DIP2B: variants seen among roughly 807,000 people sequenced by gnomAD.
DIP2B encodes the protein DIP2 acetate--CoA ligase B (putative).
Under a neutral mutation model 198.0 loss-of-function variants are expected in DIP2B, and 76 were observed. That is an observed-to-expected ratio of 0.38 (90% confidence interval 0.32 to 0.46). The LOEUF (loss-of-function observed/expected upper bound fraction) is 0.46, where lower values mean the gene tolerates loss of function less well. Among genes scored for constraint, DIP2B ranks in the 20% least tolerant of loss-of-function variants. DIP2B has a pLI of 0.99. For synonymous variants in DIP2B, 701 were observed against 739.1 expected (o/e 0.95, Z 0.84); for missense variants, 1,559 against 1,978.4 (o/e 0.79, Z 4.02).
chr12:50,506,608 C>T, intron 1 of DIP2B, among the ~76,000 whole-genome samples: 1 of 142,396 alleles, frequency 7.0e-6, no homozygotes, highest in East Asian at 2.1e-4. Context: ...TTCGGCCAGT[C>T]CCGGGAATCA....
At chr12:50,562,554 C>T (rs1230669411) in intron 1 of DIP2B, among the ~76,000 whole-genome samples, 5 of 151,774 alleles carry the variant, frequency 3.3e-5, no homozygotes, top group African/African-American at 4.8e-5. Context: ...GGGCAACATG[C>T]AAAACCCCTC....
Position 50,683,193 on chromosome 12 carries a change from G to A in DIP2B, c.1262G>A (p.Gly421Glu). Residue 421 changes from glycine (G) to glutamate (E), a missense_variant, in exon 10 of 38, where the codon GGA (glycine) becomes GAA (glutamate). By Grantham distance (98) the Gly-to-Glu change is moderately conservative. Transcript: ENST00000301180. ...GTCATGTTTATGGTGGCTTTCTATG[G>A]ATGCCTCCTGGCAGAAGTGATTCCA... is the stretch of plus-strand genomic sequence containing the variant. ...DPVMFMVAFY[G>E]CLLAEVIPVP... 1 of 1,612,962 alleles carries A rather than the reference G, an allele frequency of 6.2e-7. No individual in the cohort carries two copies. Among genetic ancestry groups the A allele is most frequent in the Non-Finnish European group, 8.5e-7 (1 of 1,179,700 alleles).
chr12:50,582,387 C>T (rs181385688), intron 1 of DIP2B, among the ~76,000 whole-genome samples: 61 of 151,986 alleles, frequency 4.0e-4, no homozygotes, highest in African/African-American at 1.3e-3. Flanking sequence ...TGACTTCAGG[C>T]GATTTGCCCG....
rs1347163353 is a variant in DIP2B, at chr12:50,683,165, C to G, written c.1234C>G (p.Pro412Ala). 1.2e-6 allele frequency: 2 copies of G among 1,611,574 alleles called. No individual in the cohort carries two copies. The highest frequency in any genetic ancestry group is 1.7e-5 in the Admixed American group (1 of 59,500). Residue 412 changes from proline to alanine, a missense_variant, in exon 10 of 38, where the codon CCA (proline) becomes GCA (alanine). By Grantham distance (27) the Pro-to-Ala change is conservative. Transcript: ENST00000301180. ...RVALVYPNND[P>A]VMFMVAFYGC... ...AGCCCTGGTTTACCCCAACAATGAT[C>G]CAGTCATGTTTATGGTGGCTTTCTA...
At chr12:50,595,439 G>T (rs944826348) in intron 1 of DIP2B, among the ~76,000 whole-genome samples, 45 of 152,278 alleles carry the variant, frequency 3.0e-4, no homozygotes, top group African/African-American at 1.0e-3. Flanking sequence ...CTGGGTAGCT[G>T]GGACTACAGG....
intron 3 of DIP2B, among the ~76,000 whole-genome samples, chr12:50,648,494 G>C (rs1938390320): frequency 6.6e-6 from 1 of 152,096 alleles, no homozygotes; most frequent in Non-Finnish European, 1.5e-5. Context: ...CTCCCGAGTA[G>C]CTGGGACTAC....
At chr12:50,647,282 G>A (rs931610334) in intron 3 of DIP2B, among the ~76,000 whole-genome samples, 7 of 151,916 alleles carry the variant, frequency 4.6e-5, no homozygotes, top group African/African-American at 7.3e-5. Context: ...TCTCCCCCCC[G>A]CCCAAAACAA....
chr12:50,557,316 A>T (rs935325429), intron 1 of DIP2B, among the ~76,000 whole-genome samples: 23 of 152,164 alleles, frequency 1.5e-4, no homozygotes, highest in Non-Finnish European at 2.6e-4. Context: ...CCTTCCATAG[A>T]TGGTCCAGGC....
intron 2 of DIP2B, among the ~76,000 whole-genome samples, chr12:50,634,412 TTTAA>T (rs1406892132): frequency 6.6e-6 from 1 of 152,210 alleles, no homozygotes; most frequent in Non-Finnish European, 1.5e-5. Flanking sequence ...TCCAGCTAGC[TTTAA>T]TAGAAAAAGA....
intron 1 of DIP2B, among the ~76,000 whole-genome samples, chr12:50,516,163 C>T (rs979406270): frequency 6.6e-6 from 1 of 151,934 alleles, no homozygotes; most frequent in East Asian, 1.9e-4. Flanking sequence ...GGCACTAAGC[C>T]TGTTCATGAG....
At chr12:50,633,558 C>G (rs1938102779) in intron 2 of DIP2B, among the ~76,000 whole-genome samples, 1 of 152,062 alleles carries the variant, frequency 6.6e-6, no homozygotes, top group Non-Finnish European at 1.5e-5. Context: ...GCAGGATGAT[C>G]ACTTGAGACC....
chr12:50,744,230 G>C (rs903971234), intron 37 of DIP2B, among the ~76,000 whole-genome samples: 1 of 152,136 alleles, frequency 6.6e-6, no homozygotes, highest in African/African-American at 2.4e-5. Context: ...TCGAACTCCT[G>C]ACCTCAGGTG....
intron 1 of DIP2B, among the ~76,000 whole-genome samples, chr12:50,587,613 A>G (rs1958782126): frequency 6.6e-6 from 1 of 152,226 alleles, no homozygotes; most frequent in Admixed American, 6.5e-5. Flanking sequence ...TCAGTATTTC[A>G]GTCCTACTTT....
Position 50,715,420 on chromosome 12 carries a change from G to T in DIP2B, c.2851+824G>T, listed in dbSNP as rs529446862. On this transcript the variant is annotated intron_variant, in intron 23 of 37. Coordinates refer to ENST00000301180, the MANE Select transcript of DIP2B (RefSeq NM_173602.3). ...CATGGGACCAGCAGCTACCTGGGCCGTATTTTTTTCAAGGCAGATGGCAGA... is the reference window on the plus strand; with the variant it reads ...CATGGGACCAGCAGCTACCTGGGCCTTATTTTTTTCAAGGCAGATGGCAGA... Among the ~76,000 whole-genome samples the T allele has an allele frequency of 3.3e-5, 5 of 152,272 alleles. No individual in the cohort carries two copies. In the East Asian group the frequency reaches 7.7e-4, roughly 23 times the overall value.
chr12:50,661,804 T>C (rs950108857), intron 4 of DIP2B, among the ~76,000 whole-genome samples: 2 of 152,192 alleles, frequency 1.3e-5, no homozygotes, highest in Non-Finnish European at 2.9e-5. Context: ...CAGCATGACA[T>C]GTAGTTCTTG....
chr12:50,728,302 G>A (rs574855722), intron 29 of DIP2B, among the ~76,000 whole-genome samples: 45 of 151,898 alleles, frequency 3.0e-4, no homozygotes, highest in Admixed American at 6.6e-4. Flanking sequence ...AGCTGAGATC[G>A]TGCCATTGCA....
intron 1 of DIP2B, among the ~76,000 whole-genome samples, chr12:50,550,006 T>G (rs1203852870): frequency 6.6e-6 from 1 of 152,216 alleles, no homozygotes; most frequent in East Asian, 1.9e-4. Context: ...TGGCACTTTT[T>G]GATTTTCTAG....
At chr12:50,675,284 C>G in intron 6 of DIP2B, 45 bp from the exon 7 acceptor site, 2 of 1,598,748 alleles carry the variant, frequency 1.3e-6, no homozygotes, top group Non-Finnish European at 8.5e-7. Context: ...ACTAAAATAT[C>G]CTTACAGTCA....
At chr12:50,687,758 T>G (rs763939481) in intron 12 of DIP2B, among the ~76,000 whole-genome samples, 3 of 151,648 alleles carry the variant, frequency 2.0e-5, no homozygotes, top group Non-Finnish European at 4.4e-5. Context: ...GGGAGGGAGA[T>G]CATTAGGACA....
Sources: allele counts gnomAD v4.1 joint callset (sites outside exome capture counted in the v4.1 genomes callset), GRCh38; gene constraint gnomAD v4.1.1; transcripts MANE v1.5; gene names NCBI Gene and HGNC (gene_info 2026-07-23, HGNC 2026-07-21).